The following SH3KBP1 variants were observed in gnomAD, a reference collection of about 807,000 sequenced individuals.
SH3KBP1 encodes SH3 domain containing kinase binding protein 1.
A neutral mutation model predicts 50.1 loss-of-function variants in SH3KBP1; 8 were observed. The ratio of observed to expected loss-of-function variants is 0.16; its 90% CI spans 0.09 to 0.29. SH3KBP1 has a LOEUF of 0.29. SH3KBP1 is among the 10% of genes least tolerant of loss of function. The pLI, the probability that SH3KBP1 is intolerant of heterozygous loss-of-function variation, is 1.00. For synonymous variants in SH3KBP1, 227 were observed against 218.6 expected (o/e 1.04, Z -0.34); for missense variants, 377 against 535.2 (o/e 0.70, Z 2.92).
chrX:19,725,986 G>C (rs1340372566), intron 3 of SH3KBP1, among the ~76,000 whole-genome samples: 1 of 112,076 alleles, frequency 8.9e-6, no homozygotes, highest in Non-Finnish European at 1.9e-5. Context: ...GAGTGGACAT[G>C]AAGGCAGCAA....
chrX:19,582,134 G>A (rs1015229515), intron 12 of SH3KBP1, among the ~76,000 whole-genome samples: 10 of 112,168 alleles, frequency 8.9e-5, no homozygotes, highest in African/African-American at 2.9e-4. Flanking sequence ...TGGGATGTCT[G>A]ATTCATAGCA....
At chrX:19,613,334 G>C (rs765014446) in intron 8 of SH3KBP1, among the ~76,000 whole-genome samples, 3 of 112,107 alleles carry the variant, frequency 2.7e-5, no homozygotes, top group Non-Finnish European at 3.8e-5. Flanking sequence ...ATGAGAAAGA[G>C]CATTGTAGGC....
rs60424271 is a variant in SH3KBP1, at chrX:19,653,763, T to TACACAC, written c.727-8294_727-8289dup. Among the ~76,000 whole-genome samples the TACACAC allele has an allele frequency of 4.5e-4, 36 of 80,273 alleles. No homozygotes were observed. In the East Asian group the frequency reaches 5.8e-3, roughly 13 times the overall value. The allele number at this position is 80,273 out of a possible 115,157, so 69.7% of individuals were successfully genotyped here. ...ACATACACATATATATATGTCTAAA[T>TACACAC]ACACACACACACACACACACACACA... On this transcript the variant is annotated intron_variant, in intron 6 of 17. Transcript: ENST00000397821.
At chrX:19,553,624 A>C (rs2065306315) in intron 13 of SH3KBP1, among the ~76,000 whole-genome samples, 1 of 107,285 alleles carries the variant, frequency 9.3e-6, no homozygotes, top group Admixed American at 1.1e-4. Flanking sequence ...GAGGCTGAAG[A>C]AGCATTCTCT....
intron 2 of SH3KBP1, among the ~76,000 whole-genome samples, chrX:19,758,221 G>A (rs774822350): frequency 1.3e-4 from 14 of 108,023 alleles, no homozygotes; most frequent in South Asian, 4.1e-4. Context: ...CCAGCTACTC[G>A]GGAGGCTGAG....
chrX:19,666,105 C>T (rs1293854108), intron 6 of SH3KBP1, among the ~76,000 whole-genome samples: 2 of 89,306 alleles, frequency 2.2e-5, no homozygotes, highest in Non-Finnish European at 4.4e-5. Flanking sequence ...ATTAAATAAA[C>T]GATTCAGCAA....
intron 8 of SH3KBP1, among the ~76,000 whole-genome samples, chrX:19,625,322 C>G (rs2067981990): frequency 9.1e-6 from 1 of 110,460 alleles, no homozygotes; most frequent in African/African-American, 3.3e-5. Context: ...GGCCTCAGGA[C>G]TCCCGCCTGC....
At chrX:19,667,727 G>A (rs967356296) in intron 6 of SH3KBP1, among the ~76,000 whole-genome samples, 3 of 109,802 alleles carry the variant, frequency 2.7e-5, no homozygotes, top group Non-Finnish European at 3.8e-5. Flanking sequence ...ATCTGCAAGA[G>A]TGCATATAAC....
intron 6 of SH3KBP1, among the ~76,000 whole-genome samples, chrX:19,668,012 T>C (rs772604776): frequency 9.0e-6 from 1 of 110,989 alleles, no homozygotes; most frequent in Admixed American, 9.6e-5. Context: ...GCAACTTAAA[T>C]AGTTATCCTT....
chrX:19,825,710 C>T (rs140115287), intron 2 of SH3KBP1, among the ~76,000 whole-genome samples: 2,455 of 111,408 alleles, frequency 0.022, 82 homozygotes, highest in African/African-American at 0.076. Flanking sequence ...CCTATCTCTA[C>T]TAAAAATACA....
At chrX:19,730,985 G>C (rs1463145693) in intron 3 of SH3KBP1, among the ~76,000 whole-genome samples, 1 of 111,639 alleles carries the variant, frequency 9.0e-6, no homozygotes. Context: ...GGTTGCCCAG[G>C]CTGGAGTGCA....
Position 19,722,356 on chromosome X carries a change from C to T in SH3KBP1, c.287-15372G>A, listed in dbSNP as rs569061723. ...TTTGCAGGCTGACACCTGCCACAGC[C>T]TCATTACCCTCCCCCAACTCAGCCC... On this transcript the variant is annotated intron_variant, in intron 3 of 17. Coordinates refer to ENST00000397821, the MANE Select transcript of SH3KBP1 (RefSeq NM_031892.3). 2.9e-4 allele frequency among the ~76,000 whole-genome samples: 32 copies of T among 112,113 alleles called. 1 individual carries two copies. The South Asian group carries it at 0.011, about 38-fold the overall frequency.
intron 8 of SH3KBP1, among the ~76,000 whole-genome samples, chrX:19,608,993 C>T (rs1447028213): frequency 1.8e-5 from 2 of 112,452 alleles, no homozygotes; most frequent in Non-Finnish European, 3.8e-5. Flanking sequence ...TTTGTTCATT[C>T]ATTCATCAAA....
At chrX:19,710,992 C>T (rs922887754) in intron 3 of SH3KBP1, among the ~76,000 whole-genome samples, 3 of 111,526 alleles carry the variant, frequency 2.7e-5, no homozygotes, top group African/African-American at 9.8e-5. Flanking sequence ...TATGCCACCC[C>T]ATTTAATCCT....
At chrX:19,663,679 C>T (rs1405268447) in intron 6 of SH3KBP1, among the ~76,000 whole-genome samples, 1 of 112,082 alleles carries the variant, frequency 8.9e-6, no homozygotes, top group Non-Finnish European at 1.9e-5. Context: ...TTTATAGGGA[C>T]TTTCAGTAAA....
intron 2 of SH3KBP1, 64 bp downstream of exon 2, chrX:19,836,061 C>A: frequency 9.3e-7 from 1 of 1,072,613 alleles, no homozygotes. Context: ...CTCAAGCGCC[C>A]CCATAGACTT....
intron 7 of SH3KBP1, among the ~76,000 whole-genome samples, chrX:19,643,300 ATTTTTTATTTTTTTT>A (rs1322744011): frequency 2.4e-4 from 21 of 86,890 alleles, no homozygotes; most frequent in South Asian, 5.1e-4. Flanking sequence ...AAACTGAAGA[ATTTTTTATTTTTTTT>A]TTTTTTATTT....
chrX:19,573,432 G>T (rs2066104803), intron 12 of SH3KBP1, among the ~76,000 whole-genome samples: 1 of 110,477 alleles, frequency 9.1e-6, no homozygotes, highest in African/African-American at 3.3e-5. Context: ...GATTACAGGT[G>T]CGTGCCACCA....
intron 1 of SH3KBP1, among the ~76,000 whole-genome samples, chrX:19,885,916 C>T (rs961725423): frequency 1.3e-4 from 15 of 111,453 alleles, no homozygotes; most frequent in Non-Finnish European, 2.3e-4. Context: ...CTGTGCCACA[C>T]ACCAAAAGTG....
Sources: allele counts gnomAD v4.1 joint callset (sites outside exome capture counted in the v4.1 genomes callset), GRCh38; gene constraint gnomAD v4.1.1; transcripts MANE v1.5; gene names NCBI Gene and HGNC (gene_info 2026-07-23, HGNC 2026-07-21).